Variants in CEP72 observed in about 807,000 individuals in gnomAD.
CEP72 encodes centrosomal protein of 72 kDa.
A neutral mutation model predicts 65.7 loss-of-function variants in CEP72; 78 were observed. The observed-to-expected ratio is 1.19, with a 90% CI of 0.99 to 1.43. CEP72 has a LOEUF of 1.43. Ranked by LOEUF, CEP72 falls within the 40% of genes most tolerant of loss-of-function variation. The pLI is 0.00. For missense variants in CEP72, 914 were observed against 832.9 expected (o/e 1.10, Z -1.20); for synonymous variants, 358 against 351.7 (o/e 1.02, Z -0.20).
chr5:654,354 CTGTG>C (rs35274640), downstream of CEP72, among the ~76,000 whole-genome samples: 3 of 144,700 alleles, frequency 2.1e-5, no homozygotes, highest in South Asian at 2.3e-4. Flanking sequence ...CGCACGCACC[CTGTG>C]TGTGTGCTGT....
chr5:666,213 T>C, intron 4 of CEP72: 5 of 1,443,276 alleles, frequency 3.5e-6, no homozygotes, highest in Non-Finnish European at 4.7e-6. Flanking sequence ...TGGACAGCCA[T>C]GGCCCAGCAG....
intron 1 of CEP72, among the ~76,000 whole-genome samples, chr5:614,650 C>T (rs1029152733): frequency 1.3e-5 from 2 of 151,958 alleles, no homozygotes; most frequent in Non-Finnish European, 2.9e-5. Flanking sequence ...CATGATCCAC[C>T]GCGCCCGGCC....
At chr5:658,645 A>ATTTTTTTTT (rs70955278), downstream of CEP72, among the ~76,000 whole-genome samples, 14 of 55,984 alleles carry the variant, frequency 2.5e-4, 4 homozygotes, top group Non-Finnish European at 4.4e-4. Context: ...AGCAAAGCTG[A>ATTTTTTTTT]TTTTTTTTTT....
In CEP72 at chr5:652,995, G is replaced by A. The variant is rs1470630592; in HGVS notation, c.1786G>A (p.Val596Ile). The change falls in exon 12 of 12, where the codon GTC becomes ATC. Residue 596 changes from valine to isoleucine, a missense_variant. Val to Ile is a conservative substitution (Grantham distance 29). Coordinates refer to ENST00000264935, the MANE Select transcript of CEP72 (RefSeq NM_018140.4). Reference protein sequence around the residue: ...QMLQESHSSLVSTNEHLLQEL... With the variant: ...QMLQESHSSLISTNEHLLQEL... ...TTCCCTGTTGTTCTGCAGCTCCCTG[G>A]TCAGCACCAATGAACACCTGCTGCA... The A allele has an allele frequency of 1.2e-6, 2 of 1,610,476 alleles. No homozygotes were observed. The highest frequency in any genetic ancestry group is 3.4e-5 in the Admixed American group (2 of 59,546).
intron 9 of CEP72, chr5:642,234 C>G: frequency 1.3e-6 from 1 of 773,454 alleles, no homozygotes. Flanking sequence ...ACACGTGGTC[C>G]CCCGTCCAGA....
At chr5:666,129 G>GGGGCACAGGTGACTTA (rs1554021106) in intron 4 of CEP72, 18 of 1,606,698 alleles carry the variant, frequency 1.1e-5, no homozygotes, top group African/African-American at 6.7e-5. Flanking sequence ...TCCCTCTACA[G>GGGGCACAGGTGACTTA]GGGCACAGGC....
chr5:653,537 A>G lies in CEP72; in HGVS notation c.*384A>G, dbSNP rs1203871523. On this transcript the variant is annotated 3_prime_UTR_variant, in exon 12 of 12. Transcript: ENST00000264935. ...CAAGCAATCTTTATTTAATAAACAA[A>G]TACATTGTTCTGAAAAGTTAACTTT... 6.8e-6 allele frequency: 1 copy of G among 146,736 alleles called. No individual in the cohort carries two copies. Among genetic ancestry groups the G allele is most frequent in the Non-Finnish European group, 1.5e-5 (1 of 68,348 alleles). 9.1% of individuals were successfully genotyped at this position (146,736 alleles called of 1,614,324 possible). A position where few individuals can be genotyped will look rare whatever the true frequency, so the allele number is the denominator to read the frequency against.
At chr5:666,380 C>T (rs1739914913) in intron 4 of CEP72, among the ~76,000 whole-genome samples, 2 of 152,250 alleles carry the variant, frequency 1.3e-5, no homozygotes, top group Admixed American at 1.3e-4. Context: ...CTGCACTCTG[C>T]TGGGGCAGTG....
At chr5:627,201 T>C (rs1229278577) in intron 4 of CEP72, among the ~76,000 whole-genome samples, 1 of 152,164 alleles carries the variant, frequency 6.6e-6, no homozygotes, top group African/African-American at 2.4e-5. Flanking sequence ...TTGTCTGTTT[T>C]GGCAGATTGT....
At chr5:635,932 T>C (rs13171740) in intron 6 of CEP72, among the ~76,000 whole-genome samples, 4,198 of 86,726 alleles carry the variant, frequency 0.048, no homozygotes, top group East Asian at 0.11. Flanking sequence ...TCCCTGAGGG[T>C]TGGCCCTGTG....
At chr5:649,773 G>A (rs1738818977) in intron 11 of CEP72, among the ~76,000 whole-genome samples, 1 of 33,042 alleles carries the variant, frequency 3.0e-5, no homozygotes, top group Non-Finnish European at 4.8e-5. Context: ...GTGAGGCGTG[G>A]ACTGTGAGGT....
downstream of CEP72, among the ~76,000 whole-genome samples, chr5:659,561 C>T (rs1580057965): frequency 5.3e-5 from 8 of 150,638 alleles, no homozygotes; most frequent in South Asian, 1.7e-3. Flanking sequence ...TTTGGGGGCT[C>T]TGGTGGTGTT....
chr5:623,187 A>G lies in CEP72; in HGVS notation c.404-1284A>G, dbSNP rs1422918330. ...AGTGTTTCTGCAGAGAAGGAGCGCG[A>G]CCGTCTCCCCTCTTAGTGTTTCTAC... On this transcript the variant is annotated intron_variant, in intron 3 of 11. Coordinates refer to ENST00000264935, the MANE Select transcript of CEP72 (RefSeq NM_018140.4). This position sits in a 1 kb window ranked among gnomAD's most constrained non-coding sequence, Gnocchi z 5.3. Among the ~76,000 whole-genome samples the G allele has an allele frequency of 9.3e-5, 14 of 150,880 alleles. No individual in the cohort carries two copies. Among genetic ancestry groups the G allele is most frequent in the Non-Finnish European group, 1.5e-4 (10 of 67,680 alleles).
chr5:642,284 G>C, intron 9 of CEP72: 1 of 984,174 alleles, frequency 1.0e-6, no homozygotes, highest in Non-Finnish European at 1.2e-6. Context: ...TCCTCTGGAA[G>C]CCTCTGTATT....
intron 6 of CEP72, among the ~76,000 whole-genome samples, 197 bp downstream of exon 6, chr5:635,781 G>C (rs1261518281): frequency 7.1e-6 from 1 of 141,008 alleles, no homozygotes; most frequent in African/African-American, 2.5e-5. Context: ...GCTCAAGACA[G>C]AGAAATGGAG....
intron 3 of CEP72, chr5:665,358 A>T (rs1739853042): frequency 8.0e-6 from 12 of 1,509,362 alleles, no homozygotes; most frequent in African/African-American, 1.4e-5. Context: ...CCAGCAAGTG[A>T]AATGGCTGTG....
chr5:628,707 G>C (rs374698173), intron 4 of CEP72, among the ~76,000 whole-genome samples: 95 of 116,848 alleles, frequency 8.1e-4, no homozygotes, highest in South Asian at 3.1e-3. Context: ...AGTGTTCCCA[G>C]GACCCAGCCC....
At chr5:664,619 G>A (rs1179459066) in intron 2 of CEP72, 1 of 171,594 alleles carries the variant, frequency 5.8e-6, no homozygotes. Context: ...GCTGCACACA[G>A]GACAGGCCTC....
chr5:633,782 A>G lies in CEP72; in HGVS notation c.526A>G (p.Arg176Gly). The G allele has an allele frequency of 6.2e-7, 1 of 1,614,096 alleles. No homozygotes were observed. Among genetic ancestry groups the G allele is most frequent in the Non-Finnish European group, 8.5e-7 (1 of 1,180,030 alleles). ...SLKEGRPHHP[R>G]AKCTEALAKQ... ...TTTTCCTTACAGACCACACCACCCC[A>G]GAGCCAAGTGCACCGAGGCCTTGGC... The change falls in exon 5 of 12, where the codon AGA (arginine) becomes GGA (glycine). Residue 176 changes from arginine (R) to glycine (G), a missense_variant. By Grantham distance (125) the Arg-to-Gly change is moderately radical (BLOSUM62 -2). Transcript: ENST00000264935.
Sources: allele counts gnomAD v4.1 joint callset (sites outside exome capture counted in the v4.1 genomes callset), GRCh38; gene constraint gnomAD v4.1.1; non-coding constraint Gnocchi (gnomAD v3.1); transcripts MANE v1.5; gene names NCBI Gene and HGNC (gene_info 2026-07-23, HGNC 2026-07-21).